NUP210L: variants seen among roughly 807,000 people sequenced by gnomAD.
NUP210L encodes the protein nucleoporin 210 like, also known as nuclear pore membrane glycoprotein 210-like.
A neutral mutation model predicts 208.5 loss-of-function variants in NUP210L; 74 were observed. The observed-to-expected ratio is 0.35, with a 90% confidence interval of 0.29 to 0.43. The LOEUF (loss-of-function observed/expected upper bound fraction) is 0.43. Ranked by LOEUF, NUP210L falls within the 20% of genes least tolerant of loss-of-function variation. The pLI is 1.00. For synonymous variants in NUP210L, 780 were observed against 816.9 expected, an observed-to-expected ratio of 0.95 and a Z score of 0.77; for missense variants, 1,843 against 2,289.4, an observed-to-expected ratio of 0.81 and a Z score of 3.98.
At chr1:154,010,228 A>G in intron 34 of NUP210L, 107 bp from the exon 35 acceptor site, 1 of 1,067,208 alleles carries the variant, frequency 9.4e-7, no homozygotes. Context: ...TAAGCAAGAA[A>G]GAGGGTCAGT....
chr1:154,055,554 CCTGA>C (rs1429217923), intron 23 of NUP210L, among the ~76,000 whole-genome samples: 3 of 152,038 alleles, frequency 2.0e-5, no homozygotes, highest in Non-Finnish European at 4.4e-5. Context: ...CCTGTCCATG[CCTGA>C]CTAATTCCTT....
At chr1:153,997,216 G>T (rs1212938649) in intron 37 of NUP210L, among the ~76,000 whole-genome samples, 1 of 150,910 alleles carries the variant, frequency 6.6e-6, no homozygotes, top group Non-Finnish European at 1.5e-5. Flanking sequence ...CAACCACTTC[G>T]GCCTCCCAAA....
At chr1:154,019,332 C>G (rs1002421561) in intron 32 of NUP210L, among the ~76,000 whole-genome samples, 3 of 152,150 alleles carry the variant, frequency 2.0e-5, no homozygotes, top group African/African-American at 7.2e-5. Context: ...TTTTTACATA[C>G]AGGGATAACT....
intron 17 of NUP210L, among the ~76,000 whole-genome samples, chr1:154,066,732 A>C (rs988662068): frequency 6.6e-6 from 1 of 152,256 alleles, no homozygotes; most frequent in African/African-American, 2.4e-5. Context: ...GGAATCAAAT[A>C]GACGCAATAA....
chr1:154,023,036 G>A, intron 31 of NUP210L, 86 bp downstream of exon 31: 1 of 1,312,688 alleles, frequency 7.6e-7, no homozygotes, highest in South Asian at 1.4e-5. Context: ...GAATGTGAGA[G>A]GAATTTACTG....
At chr1:154,151,385 G>A (rs532406493) in intron 2 of NUP210L, among the ~76,000 whole-genome samples, 5 of 151,946 alleles carry the variant, frequency 3.3e-5, no homozygotes, top group Admixed American at 2.0e-4. Context: ...CCAGGCAGCA[G>A]TCAAGATATA....
At chr1:154,080,413 C>T (rs1401003066) in intron 16 of NUP210L, among the ~76,000 whole-genome samples, 1 of 151,240 alleles carries the variant, frequency 6.6e-6, no homozygotes, top group Non-Finnish European at 1.5e-5. Context: ...GTGGCTCACA[C>T]CTGTAATCCC....
intron 16 of NUP210L, among the ~76,000 whole-genome samples, chr1:154,071,869 C>T (rs1010228466): frequency 3.9e-5 from 6 of 151,948 alleles, no homozygotes; most frequent in African/African-American, 1.5e-4. Flanking sequence ...ATCCCCTGAC[C>T]TCGTGATCTG....
intron 2 of NUP210L, among the ~76,000 whole-genome samples, chr1:154,147,163 C>G (rs767309946): frequency 3.9e-5 from 6 of 152,088 alleles, no homozygotes; most frequent in Non-Finnish European, 7.4e-5. Flanking sequence ...ACCACCTTAA[C>G]CAAGTGATCA....
At position 154,004,669 on chromosome 1, in the gene NUP210L, C is replaced by G. The variant is rs1464703356; in HGVS notation, c.4931-2684G>C. Reference sequence around the variant, plus strand: ...TTATTCCTCTTTTCTTTCTTTGAGACAGGTTCTCCATCTGTTGCCCAGGCT... The same window carrying G: ...TTATTCCTCTTTTCTTTCTTTGAGAGAGGTTCTCCATCTGTTGCCCAGGCT... On this transcript the variant is annotated intron_variant, in intron 35 of 39. Coordinates refer to ENST00000368559, the Ensembl canonical transcript of NUP210L. Among the ~76,000 whole-genome samples the G allele has an allele frequency of 4.6e-5, 7 of 151,254 alleles. No individual in the cohort carries two copies. The South Asian group carries it at 1.5e-3, about 32-fold the overall frequency.
At chr1:154,143,261 T>C (rs1413273681) in intron 3 of NUP210L, among the ~76,000 whole-genome samples, 185 bp downstream of exon 3, 3 of 152,056 alleles carry the variant, frequency 2.0e-5, no homozygotes, top group Non-Finnish European at 4.4e-5. Flanking sequence ...GAATATTTTA[T>C]GAAAACGTGT....
In NUP210L at chr1:154,097,380, T is replaced by C. The variant is rs907581832; in HGVS notation, c.1966-2224A>G. On this transcript the variant is annotated intron_variant, in intron 14 of 39. Coordinates refer to ENST00000368559, the Ensembl canonical transcript of NUP210L. Reference sequence around the variant, plus strand: ...GGTAGAAAAAGAAAATCATCATCACTTCCTTTCCTTTAAGGACGACTTTCA... The same window carrying C: ...GGTAGAAAAAGAAAATCATCATCACCTCCTTTCCTTTAAGGACGACTTTCA... 3.9e-5 allele frequency among the ~76,000 whole-genome samples: 6 copies of C among 152,160 alleles called. No individual in the cohort carries two copies. The East Asian group carries it at 7.7e-4, about 19-fold the overall frequency.
chr1:154,058,593 T>C (rs1557946984), exon 21 of NUP210L: 3 of 1,613,906 alleles, frequency 1.9e-6, no homozygotes, highest in Admixed American at 3.3e-5. Context: ...CTCCAGCTCT[T>C]GTATGTCTGA....
At chr1:154,056,144 C>A (rs780495841) in intron 23 of NUP210L, among the ~76,000 whole-genome samples, 3 of 152,178 alleles carry the variant, frequency 2.0e-5, no homozygotes, top group Non-Finnish European at 2.9e-5. Flanking sequence ...GTGCTTTCCA[C>A]ATTTTCTTTT....
At chr1:154,065,648 T>C (rs943211013) in intron 17 of NUP210L, among the ~76,000 whole-genome samples, 3 of 151,926 alleles carry the variant, frequency 2.0e-5, no homozygotes, top group Non-Finnish European at 4.4e-5. Flanking sequence ...ATCCTAGCAC[T>C]TTGGGAGGCC....
exon 4 of NUP210L, chr1:154,141,454 T>C (rs1658850773): frequency 2.5e-6 from 4 of 1,609,730 alleles, no homozygotes; most frequent in Non-Finnish European, 3.4e-6. Context: ...ACAGTTCTTC[T>C]CTTGCTGACT....
intron 27 of NUP210L, among the ~76,000 whole-genome samples, chr1:154,035,386 A>G (rs1327684624): frequency 1.4e-5 from 2 of 146,764 alleles, no homozygotes; most frequent in East Asian, 4.0e-4. Context: ...TAGGCTTTTT[A>G]TTTTAATTTT....
chr1:154,108,877 G>A (rs892662702), intron 12 of NUP210L, among the ~76,000 whole-genome samples: 1 of 151,754 alleles, frequency 6.6e-6, no homozygotes, highest in Non-Finnish European at 1.5e-5. Context: ...AAGGCAGGCA[G>A]ATCACCTGAG....
chr1:154,025,254 T>C (rs1651806821), intron 30 of NUP210L, among the ~76,000 whole-genome samples: 1 of 151,930 alleles, frequency 6.6e-6, no homozygotes, highest in South Asian at 2.1e-4. Context: ...TAACAAGGGC[T>C]CTAAAGTTCA....
Sources: allele counts gnomAD v4.1 joint callset (sites outside exome capture counted in the v4.1 genomes callset), GRCh38; gene constraint gnomAD v4.1.1; transcripts MANE v1.5; gene names NCBI Gene and HGNC (gene_info 2026-07-23, HGNC 2026-07-21).